EMC2: variants seen among roughly 807,000 people sequenced by gnomAD.
EMC2 encodes TPR repeat protein 35.
A neutral mutation model predicts 51.6 loss-of-function variants in EMC2; 37 were observed. The observed-to-expected ratio is 0.72, with a 90% CI of 0.55 to 0.94. EMC2 has a LOEUF of 0.94. Ranked by LOEUF, EMC2 falls within the 40% of genes least tolerant of loss-of-function variation. The pLI is 0.00. For synonymous variants in EMC2, 131 were observed against 112.4 expected (o/e 1.17, Z -1.04); for missense variants, 359 against 350.9 (o/e 1.02, Z -0.18).
chr8:108,450,534 A>G (rs151075269), intron 3 of EMC2, 42 bp downstream of exon 3: 133 of 1,146,514 alleles, frequency 1.2e-4, no homozygotes, highest in Non-Finnish European at 1.5e-4. Flanking sequence ...TGCTTCATCA[A>G]TTGTATACCG....
chr8:108,444,827 G>T (rs140909596), intron 1 of EMC2, among the ~76,000 whole-genome samples: 1 of 152,144 alleles, frequency 6.6e-6, no homozygotes, highest in African/African-American at 2.4e-5. Flanking sequence ...CAAAATCTTG[G>T]CTCTGTCAAC....
chr8:108,461,681 T>G (rs551950937), intron 5 of EMC2, among the ~76,000 whole-genome samples: 1 of 152,324 alleles, frequency 6.6e-6, no homozygotes, highest in South Asian at 2.1e-4. Flanking sequence ...ATGGCATACC[T>G]TCTTCCCATC....
intron 10 of EMC2, among the ~76,000 whole-genome samples, chr8:108,480,957 T>G (rs1402556949): frequency 2.0e-5 from 3 of 152,162 alleles, no homozygotes; most frequent in Non-Finnish European, 4.4e-5. Flanking sequence ...CAGGTTTTCT[T>G]GTTTAGTGGA....
chr8:108,453,175 A>C, intron 4 of EMC2, 28 bp downstream of exon 4: 21 of 1,367,018 alleles, frequency 1.5e-5, no homozygotes, highest in Non-Finnish European at 2.0e-5. Flanking sequence ...GCTGGCAGGC[A>C]TGGAGCCTGT....
At chr8:108,462,696 TTGTTA>T (rs998513365) in intron 5 of EMC2, among the ~76,000 whole-genome samples, 16 of 152,160 alleles carry the variant, frequency 1.1e-4, no homozygotes, top group Non-Finnish European at 1.9e-4. Flanking sequence ...AAATGTTATT[TTGTTA>T]TAATTTGCAT....
chr8:108,488,815 A>C lies in EMC2; in HGVS notation c.*2217A>C, dbSNP rs1047412913. 1.3e-5 allele frequency among the ~76,000 whole-genome samples: 2 copies of C among 152,182 alleles called. No individual in the cohort carries two copies. The highest frequency in any genetic ancestry group is 2.9e-5 in the Non-Finnish European group (2 of 68,036). ...AATCAACCATCCATTCTGTCTCTCT[A>C]TTGTGGTAGCTACTAACCATATGTG... On this transcript the variant is annotated 3_prime_UTR_variant, in exon 11 of 11. Coordinates refer to ENST00000220853, the MANE Select transcript of EMC2 (RefSeq NM_014673.5).
rs765406278 is a variant in EMC2, at chr8:108,443,706, C to G, written c.40+8C>G. ...ACGATGTCACTTGGGAAGGTAACTT[C>G]GGGTGGGGGCGGGTGCGGAAAGACT... On this transcript the variant is annotated splice_region_variant and intron_variant, in intron 1 of 10. Coordinates refer to ENST00000220853, the MANE Select transcript of EMC2 (RefSeq NM_014673.5). 4 of 1,583,490 alleles carry G rather than the reference C, an allele frequency of 2.5e-6. No individual in the cohort carries two copies. The highest frequency in any genetic ancestry group is 1.7e-4 in the Middle Eastern group (1 of 6,028).
At chr8:108,479,672 A>G (rs966277549) in intron 10 of EMC2, among the ~76,000 whole-genome samples, 3 of 152,016 alleles carry the variant, frequency 2.0e-5, no homozygotes, top group East Asian at 1.9e-4. Context: ...CTTTAGCCTT[A>G]TTTGTCTATA....
chr8:108,485,232 A>G (rs1285211438), intron 10 of EMC2, among the ~76,000 whole-genome samples: 1 of 151,568 alleles, frequency 6.6e-6, no homozygotes, highest in East Asian at 1.9e-4. Context: ...AGTTAATTAC[A>G]GAAGACAAGA....
chr8:108,453,144 A>G lies in EMC2; in HGVS notation c.302A>G (p.Glu101Gly), dbSNP rs776112844. The G allele has an allele frequency of 1.3e-6, 2 of 1,582,836 alleles. No homozygotes were observed. The highest frequency in any genetic ancestry group is 1.7e-6 in the Non-Finnish European group (2 of 1,159,026). Residue 101 changes from glutamate (E) to glycine (G), a missense_variant, in exon 4 of 11, where the codon GAA becomes GGA. Coordinates refer to ENST00000220853, the MANE Select transcript of EMC2 (RefSeq NM_014673.5). ...ACAGGCATGAGATTTGAAGCCATGG[A>G]AAGGTAACCAAATCTTATCAGCTGG... Reference protein sequence around the residue: ...RLTGMRFEAMERYDDAIQLYD... With the variant: ...RLTGMRFEAMGRYDDAIQLYD...
At chr8:108,472,537 A>T (rs941931474) in intron 7 of EMC2, among the ~76,000 whole-genome samples, 2 of 148,400 alleles carry the variant, frequency 1.3e-5, no homozygotes, top group African/African-American at 5.0e-5. Context: ...CAAAATGACC[A>T]TTTTTTTTTT....
chr8:108,452,740 G>T lies in EMC2; in HGVS notation c.220-322G>T, dbSNP rs568865267. Reference sequence around the variant, plus strand: ...AACGCCAGGCGCTGTTGTCATTTAAGTAGGGGCCTGACACATTATAGAAGT... The same window carrying T: ...AACGCCAGGCGCTGTTGTCATTTAATTAGGGGCCTGACACATTATAGAAGT... On this transcript the variant is annotated intron_variant, in intron 3 of 10. Transcript: ENST00000220853. Among the ~76,000 whole-genome samples the T allele has an allele frequency of 3.3e-5, 5 of 152,304 alleles. No individual in the cohort carries two copies. In the East Asian group the frequency reaches 9.6e-4, roughly 29 times the overall value.
At chr8:108,462,213 T>TTTGTGTGCGTGTGTGTGTGTG (rs139885736) in intron 5 of EMC2, among the ~76,000 whole-genome samples, 28 of 122,578 alleles carry the variant, frequency 2.3e-4, no homozygotes, top group African/African-American at 7.1e-4. Context: ...TGTGTGTGTT[T>TTTGTGTGCGTGTGTGTGTGTG]TGTGTGCGTG....
chr8:108,453,080 A>G lies in EMC2; in HGVS notation c.238A>G (p.Arg80Gly), dbSNP rs1819066310. The change falls in exon 4 of 11, where the codon AGA becomes GGA. Residue 80 changes from arginine (R) to glycine (G), a missense_variant. By Grantham distance (125) the Arg-to-Gly change is moderately radical (BLOSUM62 -2). Coordinates refer to ENST00000220853, the MANE Select transcript of EMC2 (RefSeq NM_014673.5). ...TTTTCAGTTTTGTCTTCAAGAGCTG[A>G]GAAGACAGTTCCCTGGCAGTCACAG... ...DLALFCLQELRRQFPGSHRVK... is the reference protein window; with the variant it reads ...DLALFCLQELGRQFPGSHRVK... 1 of 1,597,014 alleles carries G rather than the reference A, an allele frequency of 6.3e-7. No individual in the cohort carries two copies. The highest frequency in any genetic ancestry group is 8.5e-7 in the Non-Finnish European group (1 of 1,171,380).
intron 4 of EMC2, 94 bp downstream of exon 4, chr8:108,453,241 G>A (rs1819072209): frequency 1.8e-6 from 1 of 568,204 alleles, no homozygotes; most frequent in Non-Finnish European, 3.1e-6. Context: ...AGAGTGTGTG[G>A]AATACTGTCT....
chr8:108,450,539 A>G, intron 3 of EMC2, 47 bp downstream of exon 3: 1 of 1,117,818 alleles, frequency 8.9e-7, no homozygotes, highest in Non-Finnish European at 1.4e-6. Context: ...CATCAATTGT[A>G]TACCGTAGTT....
intron 9 of EMC2, 29 bp from the exon 10 acceptor site, chr8:108,478,977 T>G (rs1810997745): frequency 7.2e-7 from 1 of 1,385,550 alleles, no homozygotes; most frequent in Non-Finnish European, 9.9e-7. Context: ...AAAAGGAATT[T>G]TGCTTTTGAT....
At chr8:108,450,062 C>T (rs1818979813) in intron 2 of EMC2, 126 bp downstream of exon 2, 1 of 510,562 alleles carries the variant, frequency 2.0e-6, no homozygotes. Context: ...ACTTTTTGTC[C>T]CAAGAATTTT....
chr8:108,445,419 T>A (rs1457984541), intron 1 of EMC2, among the ~76,000 whole-genome samples: 1 of 152,190 alleles, frequency 6.6e-6, no homozygotes, highest in Non-Finnish European at 1.5e-5. Flanking sequence ...ATTGCCATGC[T>A]GCTTCTTAAA....
Sources: allele counts gnomAD v4.1 joint callset (sites outside exome capture counted in the v4.1 genomes callset), GRCh38; gene constraint gnomAD v4.1.1; transcripts MANE v1.5; gene names NCBI Gene and HGNC (gene_info 2026-07-23, HGNC 2026-07-21).